The following CADM2 variants were observed in gnomAD, a reference collection of about 807,000 sequenced individuals.
CADM2 encodes cell adhesion molecule 2, also known as immunoglobulin superfamily member 4D.
A neutral mutation model predicts 49.8 loss-of-function variants in CADM2; 12 were observed. The observed-to-expected ratio is 0.24, with a 90% confidence interval of 0.15 to 0.39. CADM2 has a LOEUF of 0.39. Among genes scored for constraint, CADM2 ranks in the 10% least tolerant of loss-of-function variants. The pLI, the probability that CADM2 is intolerant of heterozygous loss-of-function variation, is 1.00. For synonymous variants in CADM2, 214 were observed against 175.4 expected, an observed-to-expected ratio of 1.22 and a Z score of -1.74; for missense variants, 378 against 492.3, an observed-to-expected ratio of 0.77 and a Z score of 2.20.
chr3:85,223,182 T>C (rs2042078069), intron 1 of CADM2, among the ~76,000 whole-genome samples: 7 of 152,114 alleles, frequency 4.6e-5, no homozygotes, highest in Admixed American at 3.3e-4. Context: ...TAAGTAGAAA[T>C]TGGCCACAAA....
At chr3:85,903,503 C>G (rs1014097064) in intron 5 of CADM2, among the ~76,000 whole-genome samples, 1 of 152,130 alleles carries the variant, frequency 6.6e-6, no homozygotes, top group African/African-American at 2.4e-5. Flanking sequence ...TCTTTTAGCA[C>G]TTGGGATATG....
intron 2 of CADM2, among the ~76,000 whole-genome samples, chr3:85,736,897 G>C (rs2068163370): frequency 2.0e-5 from 3 of 152,066 alleles, no homozygotes; most frequent in Admixed American, 2.0e-4. Flanking sequence ...GGCCCAGAGT[G>C]GTCAGTGGTA....
rs531099393 is a variant in CADM2 at position 85,504,667 on chromosome 3, G to T, written c.62-221855G>T. Reference sequence around the variant, plus strand: ...TGGAGCTGCCTGCCAGTCCCGCGCCGTGCGCCCGCACTCCGCAGCCCTTGG... The same window carrying T: ...TGGAGCTGCCTGCCAGTCCCGCGCCTTGCGCCCGCACTCCGCAGCCCTTGG... On this transcript the variant is annotated intron_variant, in intron 1 of 9. Coordinates refer to ENST00000383699, the MANE Select transcript of CADM2 (RefSeq NM_001167675.2). 6.6e-5 allele frequency among the ~76,000 whole-genome samples: 10 copies of T among 152,316 alleles called. No individual in the cohort carries two copies. The South Asian group carries it at 1.9e-3, about 28-fold the overall frequency.
At chr3:85,243,053 T>G (rs1053621244) in intron 1 of CADM2, among the ~76,000 whole-genome samples, 15 of 151,828 alleles carry the variant, frequency 9.9e-5, no homozygotes, top group Non-Finnish European at 2.1e-4. Context: ...AGAAAGCATC[T>G]ATTCAGAAAG....
chr3:85,783,420 C>T (rs1053369201), intron 2 of CADM2, among the ~76,000 whole-genome samples: 4 of 152,172 alleles, frequency 2.6e-5, no homozygotes, highest in African/African-American at 9.7e-5. Context: ...GCTGTGGTAA[C>T]ATTTGCTCCT....
At position 85,764,009 on chromosome 3, in the gene CADM2, A is replaced by G. The variant is rs76570294; in HGVS notation, c.88+37461A>G. Among the ~76,000 whole-genome samples the G allele has an allele frequency of 1.7e-3, 266 of 152,272 alleles. 7 individuals carry two copies. In the East Asian group the frequency reaches 0.037, roughly 21 times the overall value. ...TAATAGAAATTTGGTACGATTTTAT[A>G]ATTTATAAAATGAACAGAGGGAAAT... On this transcript the variant is annotated intron_variant, in intron 2 of 9. Coordinates refer to ENST00000383699, the MANE Select transcript of CADM2 (RefSeq NM_001167675.2).
chr3:85,297,051 G>A (rs954201652), intron 1 of CADM2, among the ~76,000 whole-genome samples: 1 of 152,006 alleles, frequency 6.6e-6, no homozygotes, highest in East Asian at 1.9e-4. Flanking sequence ...TTAGGGCAGA[G>A]ACACTATCTT....
At chr3:85,687,746 C>G (rs774606882) in intron 1 of CADM2, among the ~76,000 whole-genome samples, 1 of 152,244 alleles carries the variant, frequency 6.6e-6, no homozygotes, top group Non-Finnish European at 1.5e-5. Flanking sequence ...AGTCCTCCTA[C>G]TATTTCAACA....
intron 1 of CADM2, among the ~76,000 whole-genome samples, chr3:85,209,619 A>G (rs1367553990): frequency 1.3e-5 from 2 of 152,070 alleles, no homozygotes; most frequent in African/African-American, 2.4e-5. Context: ...TCACAAATGC[A>G]TTTATTACTA....
At chr3:84,974,287 A>T (rs2031669679) in intron 1 of CADM2, among the ~76,000 whole-genome samples, 2 of 151,856 alleles carry the variant, frequency 1.3e-5, no homozygotes, top group Admixed American at 1.3e-4. Context: ...AGCATTTATA[A>T]TAGTTCAGTT....
intron 7 of CADM2, among the ~76,000 whole-genome samples, chr3:85,950,367 A>G (rs1190620714): frequency 1.3e-5 from 2 of 151,194 alleles, no homozygotes; most frequent in Non-Finnish European, 1.5e-5. Context: ...TTTTCTTTCA[A>G]TGCAAAAATC....
At chr3:85,941,702 G>A (rs1437200800) in intron 7 of CADM2, among the ~76,000 whole-genome samples, 2 of 152,122 alleles carry the variant, frequency 1.3e-5, no homozygotes, top group East Asian at 3.9e-4. Flanking sequence ...TGTGGGAAAA[G>A]CTACACTCTG....
intron 3 of CADM2, among the ~76,000 whole-genome samples, chr3:85,866,033 G>C (rs2075708774): frequency 6.6e-6 from 1 of 152,118 alleles, no homozygotes; most frequent in Non-Finnish European, 1.5e-5. Context: ...CCCCACTTGG[G>C]AGGCTGAGGC....
At chr3:85,027,964 AT>A (rs559811809) in intron 1 of CADM2, among the ~76,000 whole-genome samples, 9 of 152,064 alleles carry the variant, frequency 5.9e-5, no homozygotes, top group South Asian at 4.1e-4. Flanking sequence ...TGCATACAGA[AT>A]TTTTTTTCTT....
chr3:85,960,612 C>A (rs548006205), intron 7 of CADM2, among the ~76,000 whole-genome samples: 1 of 151,900 alleles, frequency 6.6e-6, no homozygotes, highest in Non-Finnish European at 1.5e-5. Flanking sequence ...CCTAGGATAA[C>A]AACTAGCAGA....
chr3:84,968,394 T>C (rs2031171594), intron 1 of CADM2, among the ~76,000 whole-genome samples: 1 of 152,100 alleles, frequency 6.6e-6, no homozygotes, highest in South Asian at 2.1e-4. Flanking sequence ...ATTATGCACG[T>C]GTCCTCATTT....
intron 1 of CADM2, among the ~76,000 whole-genome samples, chr3:85,410,330 T>C (rs1158350135): frequency 6.6e-6 from 1 of 152,194 alleles, no homozygotes; most frequent in Non-Finnish European, 1.5e-5. Context: ...CCTCTAGCAT[T>C]AGGGAGACTA....
intron 1 of CADM2, among the ~76,000 whole-genome samples, chr3:85,310,429 C>T (rs1184554598): frequency 6.6e-6 from 1 of 152,102 alleles, no homozygotes; most frequent in Non-Finnish European, 1.5e-5. Flanking sequence ...GGGGCAGGTG[C>T]TACACTTAAC....
At chr3:85,449,612 A>G (rs980550341) in intron 1 of CADM2, among the ~76,000 whole-genome samples, 1 of 152,048 alleles carries the variant, frequency 6.6e-6, no homozygotes. Flanking sequence ...TAGTACTAAA[A>G]CAAGCTCCTT....
Sources: allele counts gnomAD v4.1 joint callset (sites outside exome capture counted in the v4.1 genomes callset), GRCh38; gene constraint gnomAD v4.1.1; transcripts MANE v1.5; gene names NCBI Gene and HGNC (gene_info 2026-07-23, HGNC 2026-07-21).